Variants in TDRD3 observed in about 807,000 individuals in gnomAD.
TDRD3 encodes the protein tudor domain containing 3, also known as tudor domain-containing protein 3.
A neutral mutation model predicts 86.7 loss-of-function variants in TDRD3; 45 were observed. The observed-to-expected ratio is 0.52, with a 90% CI of 0.41 to 0.67. TDRD3 has a LOEUF of 0.67. Ranked by LOEUF, TDRD3 falls within the 30% of genes least tolerant of loss-of-function variation. The pLI is 0.00. For synonymous variants in TDRD3, 298 were observed against 301.7 expected, an observed-to-expected ratio of 0.99 and a Z score of 0.13; for missense variants, 814 against 889.0, an observed-to-expected ratio of 0.92 and a Z score of 1.07.
intron 12 of TDRD3, chr13:60,547,171 A>T: frequency 1.3e-6 from 1 of 791,662 alleles, no homozygotes; most frequent in Non-Finnish European, 1.5e-6. Flanking sequence ...AATGAATTTC[A>T]CATAAATGGC....
intron 5 of TDRD3, 147 bp downstream of exon 5, chr13:60,467,526 T>C: frequency 1.1e-6 from 1 of 875,820 alleles, no homozygotes; most frequent in Non-Finnish European, 1.7e-6. Context: ...ACTATCTTTG[T>C]CTAAGTGTAT....
intron 11 of TDRD3, among the ~76,000 whole-genome samples, chr13:60,531,743 T>C (rs1566279638): frequency 6.6e-6 from 1 of 152,132 alleles, no homozygotes. Context: ...TGTAACTGTT[T>C]TACTGGGAAA....
At chr13:60,435,717 G>A (rs1294759386) in intron 1 of TDRD3, among the ~76,000 whole-genome samples, 1 of 152,150 alleles carries the variant, frequency 6.6e-6, no homozygotes, top group Admixed American at 6.5e-5. Flanking sequence ...CTGGCAAATT[G>A]TGCTACAGTA....
chr13:60,468,435 A>C (rs1034812360), intron 5 of TDRD3, among the ~76,000 whole-genome samples: 6 of 152,124 alleles, frequency 3.9e-5, no homozygotes, highest in Non-Finnish European at 8.8e-5. Context: ...TGAATTCTTT[A>C]AACATTTTAT....
chr13:60,535,164 A>G lies in TDRD3; in HGVS notation c.2049A>G (p.Lys683=), dbSNP rs1355432214. 1.9e-6 allele frequency: 3 copies of G among 1,613,990 alleles called. No homozygotes were observed. The highest frequency in any genetic ancestry group is 1.1e-5 in the South Asian group (1 of 91,084). The part of the protein sequence containing the change: ...LHSSGMTAVV[K]FIDYGNYEEV... ...CTTCGGGTATGACAGCAGTTGTTAA[A>G]TTCATTGACTACGGAAACTATGAAG... The change falls in exon 12 of 14, where the codon AAA becomes AAG. Residue 683 remains lysine (K), a synonymous_variant. Transcript: ENST00000377881.
intron 12 of TDRD3, among the ~76,000 whole-genome samples, chr13:60,555,466 A>G (rs1472853958): frequency 6.6e-6 from 1 of 152,210 alleles, no homozygotes; most frequent in Non-Finnish European, 1.5e-5. Context: ...GGAAAACTAC[A>G]AATATGGGTT....
chr13:60,413,312 A>C (rs1209754331), intron 1 of TDRD3, among the ~76,000 whole-genome samples: 3 of 152,190 alleles, frequency 2.0e-5, no homozygotes, highest in Non-Finnish European at 4.4e-5. Flanking sequence ...TGTACCTTTT[A>C]TATTCAGTTA....
chr13:60,500,574 T>C (rs1956809743), intron 8 of TDRD3, among the ~76,000 whole-genome samples: 1 of 152,118 alleles, frequency 6.6e-6, no homozygotes, highest in Non-Finnish European at 1.5e-5. Context: ...CAGTGAAGGG[T>C]AATCTTCCCA....
At chr13:60,433,190 A>G (rs1177103316) in intron 1 of TDRD3, among the ~76,000 whole-genome samples, 1 of 152,210 alleles carries the variant, frequency 6.6e-6, no homozygotes, top group African/African-American at 2.4e-5. Context: ...TGCAGTTCAG[A>G]TTTGAATGGG....
At chr13:60,531,788 T>C (rs1404908665) in intron 11 of TDRD3, among the ~76,000 whole-genome samples, 1 of 152,122 alleles carries the variant, frequency 6.6e-6, no homozygotes, top group South Asian at 2.1e-4. Flanking sequence ...CCAGTACTTA[T>C]CTGCAGTGTC....
At chr13:60,454,633 C>T (rs1455545102) in intron 3 of TDRD3, among the ~76,000 whole-genome samples, 2 of 152,140 alleles carry the variant, frequency 1.3e-5, no homozygotes, top group Non-Finnish European at 2.9e-5. Context: ...AACTTTGCCC[C>T]TTGGCCACCA....
intron 1 of TDRD3, among the ~76,000 whole-genome samples, chr13:60,402,362 A>C (rs1954123286): frequency 6.6e-6 from 1 of 152,222 alleles, no homozygotes; most frequent in Non-Finnish European, 1.5e-5. Context: ...ACCTTCTTAT[A>C]CTAGTGGTAA....
chr13:60,422,660 A>G (rs1954690564), intron 1 of TDRD3, among the ~76,000 whole-genome samples: 1 of 152,174 alleles, frequency 6.6e-6, no homozygotes, highest in South Asian at 2.1e-4. Flanking sequence ...TTTTAGAAAT[A>G]AAGAATATAT....
Position 60,528,883 on chromosome 13 carries a change from C to T in TDRD3, c.1658C>T (p.Thr553Ile). Reference protein sequence around the residue: ...PDYFYDRKSQTINNEAFSGIK... With the variant: ...PDYFYDRKSQIINNEAFSGIK... ...TATTTTTATGACAGGAAATCACAAA[C>T]AATAAATAATGAAGCTTTCAGTGGT... The change falls in exon 11 of 14, where the codon ACA becomes ATA. Residue 553 changes from threonine to isoleucine, a missense_variant. Coordinates refer to ENST00000377881, the MANE Select transcript of TDRD3 (RefSeq NM_001146070.2). The T allele has an allele frequency of 6.2e-7, 1 of 1,612,182 alleles. No individual in the cohort carries two copies. Among genetic ancestry groups the T allele is most frequent in the African/African-American group, 1.3e-5 (1 of 74,832 alleles).
intron 1 of TDRD3, among the ~76,000 whole-genome samples, chr13:60,422,749 T>C (rs1310518607): frequency 1.4e-5 from 2 of 142,658 alleles, no homozygotes; most frequent in African/African-American, 4.9e-5. Context: ...ACTATGAGAA[T>C]TTAAATAAGA....
At chr13:60,440,922 C>T (rs2322909) in intron 2 of TDRD3, among the ~76,000 whole-genome samples, 17,092 of 151,848 alleles carry the variant, frequency 0.11, 1,292 homozygotes, top group African/African-American at 0.21. Context: ...ATAAATCTAA[C>T]GTTAAAAAAG....
intron 7 of TDRD3, among the ~76,000 whole-genome samples, 179 bp from the exon 8 acceptor site, chr13:60,494,256 A>G (rs1396809907): frequency 1.6e-4 from 25 of 152,194 alleles, no homozygotes; most frequent in Admixed American, 1.6e-3. Context: ...TGTGAATAAG[A>G]GATTGTGACT....
chr13:60,404,286 TTTG>T (rs1363307564), intron 1 of TDRD3, among the ~76,000 whole-genome samples: 7 of 152,128 alleles, frequency 4.6e-5, no homozygotes, highest in South Asian at 4.2e-4. Context: ...ATAATTCGTT[TTTG>T]TTGTTGTTGT....
intron 11 of TDRD3, 125 bp from the exon 12 acceptor site, chr13:60,534,982 CA>C: frequency 9.8e-7 from 1 of 1,017,400 alleles, no homozygotes; most frequent in African/African-American, 1.7e-5. Flanking sequence ...AAAAGGGTTC[CA>C]AAGGTAAGTT....
Sources: gnomAD v4.1 joint callset for allele counts (sites outside exome capture counted in the v4.1 genomes callset) on GRCh38, gnomAD v4.1.1 for gene constraint, MANE v1.5 for transcripts, NCBI Gene and HGNC (gene_info 2026-07-23, HGNC 2026-07-21) for gene names.